Variants in FTO observed in about 807,000 individuals in gnomAD.
FTO encodes FTO alpha-ketoglutarate dependent dioxygenase.
FTO carries 47 observed loss-of-function variants against 63.9 expected under a neutral mutation model. That is an observed-to-expected ratio of 0.74 (90% CI 0.58 to 0.94). The LOEUF is 0.94. Ranked by LOEUF, FTO falls within the 40% of genes least tolerant of loss-of-function variation. The probability of loss-of-function intolerance (pLI) is 0.00; values close to 1 mark genes in which losing one functional copy is unlikely to be tolerated. For synonymous variants in FTO, 207 were observed against 224.4 expected (o/e 0.92, Z 0.69); for missense variants, 562 against 618.1 (o/e 0.91, Z 0.96).
chr16:54,049,885 G>A lies in FTO; in HGVS notation c.1365-61877G>A, dbSNP rs190523880. On this transcript the variant is annotated intron_variant, in intron 8 of 8. Transcript: ENST00000471389. Reference sequence around the variant, plus strand: ...AGTAGTTTGGCTTTGCATTCTGCTGGCTCTCAGCGTCAAAGCATTACCTGG... The same window carrying A: ...AGTAGTTTGGCTTTGCATTCTGCTGACTCTCAGCGTCAAAGCATTACCTGG... 2.6e-3 allele frequency among the ~76,000 whole-genome samples: 400 copies of A among 152,320 alleles called. 13 individuals carry two copies. The highest frequency in any genetic ancestry group is 1.1e-3 in the Non-Finnish European group (78 of 68,030).
At chr16:53,787,376 C>T (rs1341821073) in intron 1 of FTO, among the ~76,000 whole-genome samples, 3 of 150,778 alleles carry the variant, frequency 2.0e-5, no homozygotes, top group African/African-American at 4.9e-5. Flanking sequence ...ACTTTGATTT[C>T]GGTAGTCATA....
Position 53,904,591 on chromosome 16 carries a change from G to C in FTO, c.1239+15640G>C, listed in dbSNP as rs952661481. On this transcript the variant is annotated intron_variant, in intron 7 of 8. Coordinates refer to ENST00000471389, the MANE Select transcript of FTO (RefSeq NM_001080432.3). ...CGTGGTGGAACTGAGTTCCACACGG[G>C]ATGTAGGTGGCCCTTTATGTACCCT... Among the ~76,000 whole-genome samples, 15 of 152,290 alleles carry C rather than the reference G, an allele frequency of 9.8e-5. No individual in the cohort carries two copies. The South Asian group carries it at 3.1e-3, about 32-fold the overall frequency.
intron 7 of FTO, among the ~76,000 whole-genome samples, chr16:53,929,053 G>C (rs2082218729): frequency 6.6e-6 from 1 of 152,084 alleles, no homozygotes; most frequent in Admixed American, 6.5e-5. Flanking sequence ...ATGTTGGTCA[G>C]GCTGATCTCA....
intron 8 of FTO, among the ~76,000 whole-genome samples, chr16:54,041,634 A>T (rs2085077624): frequency 6.6e-6 from 1 of 152,066 alleles, no homozygotes; most frequent in Admixed American, 6.6e-5. Context: ...CCCTGCTGTC[A>T]TATGAGTCCA....
At chr16:54,083,531 A>G (rs956308336) in intron 8 of FTO, among the ~76,000 whole-genome samples, 1 of 152,206 alleles carries the variant, frequency 6.6e-6, no homozygotes, top group Admixed American at 6.5e-5. Flanking sequence ...AGCCAGGCAG[A>G]CTACAATAAT....
intron 4 of FTO, among the ~76,000 whole-genome samples, chr16:53,873,011 C>T (rs58503566): frequency 0.018 from 2,675 of 152,216 alleles, 80 homozygotes; most frequent in African/African-American, 0.061. Flanking sequence ...ATGAATTCAC[C>T]ACCTACTTCA....
chr16:53,705,455 A>G (rs1301296185), intron 1 of FTO, among the ~76,000 whole-genome samples: 1 of 152,190 alleles, frequency 6.6e-6, no homozygotes, highest in Non-Finnish European at 1.5e-5. Flanking sequence ...GCCTTTGCAC[A>G]TGTCATTTGC....
chr16:53,732,719 A>G (rs1341313344), intron 1 of FTO, among the ~76,000 whole-genome samples: 4 of 152,212 alleles, frequency 2.6e-5, no homozygotes, highest in Admixed American at 1.3e-4. Flanking sequence ...ACCGCTCATA[A>G]TAACAGTAGG....
At chr16:54,009,719 G>C (rs1422029668) in intron 8 of FTO, among the ~76,000 whole-genome samples, 1 of 152,098 alleles carries the variant, frequency 6.6e-6, no homozygotes, top group Admixed American at 6.6e-5. Flanking sequence ...CAAGTTGCTG[G>C]CTCCACCACT....
chr16:53,854,307 T>C (rs962471007), intron 4 of FTO, among the ~76,000 whole-genome samples: 1 of 152,214 alleles, frequency 6.6e-6, no homozygotes, highest in African/African-American at 2.4e-5. Context: ...AGAAGCTTTT[T>C]AGTTTAAGTA....
intron 6 of FTO, among the ~76,000 whole-genome samples, chr16:53,880,751 T>G (rs2080800642): frequency 6.6e-6 from 1 of 152,024 alleles, no homozygotes; most frequent in African/African-American, 2.4e-5. Flanking sequence ...CTCTCACCTC[T>G]GAAAAGCCCC....
In FTO at chr16:54,118,672, G is replaced by A. The variant is rs1332591058; in HGVS notation, c.*6757G>A. 1 of 152,072 alleles carries A rather than the reference G, an allele frequency of 6.6e-6. No individual in the cohort carries two copies. The highest frequency in any genetic ancestry group is 2.4e-5 in the African/African-American group (1 of 41,404). The allele number at this position is 152,072 out of a possible 1,614,324, so 9.4% of individuals were successfully genotyped here. ...CTTGCCCTCCACACAGCCTTGCTTG[G>A]TGTTAAAGATTAAACAAAGACCACA... On this transcript the variant is annotated 3_prime_UTR_variant, in exon 9 of 9. Coordinates refer to ENST00000471389, the MANE Select transcript of FTO (RefSeq NM_001080432.3).
intron 7 of FTO, among the ~76,000 whole-genome samples, chr16:53,926,986 C>T (rs995934187): frequency 2.0e-5 from 3 of 152,120 alleles, no homozygotes; most frequent in South Asian, 2.1e-4. Context: ...TAAGAAACTT[C>T]GTGGAAGCAC....
At chr16:54,088,734 G>A (rs368070555) in intron 8 of FTO, among the ~76,000 whole-genome samples, 7 of 152,318 alleles carry the variant, frequency 4.6e-5, no homozygotes, top group African/African-American at 1.7e-4. Flanking sequence ...ATTATGGCAA[G>A]TTTCTTGTTA....
Position 53,754,706 on chromosome 16 carries a change from C to A in FTO, c.45+50477C>A, listed in dbSNP as rs75961013. Among the ~76,000 whole-genome samples the A allele has an allele frequency of 9.6e-3, 1,456 of 152,286 alleles. 22 individuals are homozygous for A. The highest frequency in any genetic ancestry group is 0.041 in the East Asian group (211 of 5,182). Reference sequence around the variant, plus strand: ...ATGGTGAGTTAGGAAAGGCATGATACACAATGCACCAAACAACACTCCATG... The same window carrying A: ...ATGGTGAGTTAGGAAAGGCATGATAAACAATGCACCAAACAACACTCCATG... On this transcript the variant is annotated intron_variant, in intron 1 of 8. Coordinates refer to ENST00000471389, the MANE Select transcript of FTO (RefSeq NM_001080432.3).
chr16:53,967,723 G>GT (rs1219986861), intron 8 of FTO, among the ~76,000 whole-genome samples: 1 of 152,186 alleles, frequency 6.6e-6, no homozygotes, highest in Non-Finnish European at 1.5e-5. Context: ...ACACTAAAAA[G>GT]GCAGAAAGAC....
chr16:53,771,224 A>G (rs764385771), intron 1 of FTO, among the ~76,000 whole-genome samples: 3 of 152,188 alleles, frequency 2.0e-5, no homozygotes, highest in African/African-American at 7.2e-5. Context: ...AGTTACTCCT[A>G]TAGTCATCTC....
rs538003151 is a variant in FTO at position 53,884,670 on chromosome 16, T to C, written c.1120-4162T>C. 2.0e-4 allele frequency among the ~76,000 whole-genome samples: 31 copies of C among 152,330 alleles called. 1 individual carries two copies. The South Asian group carries it at 6.2e-3, about 31-fold the overall frequency. On this transcript the variant is annotated intron_variant, in intron 6 of 8. Coordinates refer to ENST00000471389, the MANE Select transcript of FTO (RefSeq NM_001080432.3). ...GATATGATTTACAACTATATGGTGA[T>C]AAAGTGGCTCAGAAATATTCTTTTG...
chr16:54,049,445 C>T (rs2085262967), intron 8 of FTO, among the ~76,000 whole-genome samples: 1 of 152,114 alleles, frequency 6.6e-6, no homozygotes, highest in Non-Finnish European at 1.5e-5. Flanking sequence ...GCTCTGCTAC[C>T]ATTTCAGGCT....
Sources: allele counts gnomAD v4.1 joint callset (sites outside exome capture counted in the v4.1 genomes callset), GRCh38; gene constraint gnomAD v4.1.1; transcripts MANE v1.5; gene names NCBI Gene and HGNC (gene_info 2026-07-23, HGNC 2026-07-21).